RSRC1: variants seen among roughly 807,000 people sequenced by gnomAD.
The protein encoded by RSRC1 is serine/Arginine-related protein 53.
In RSRC1, 39 loss-of-function variants were observed where a neutral mutation model predicts 49.1. The observed-to-expected ratio is 0.79, with a 90% CI of 0.61 to 1.04. The LOEUF is 1.04. Ranked by LOEUF, RSRC1 falls within the 50% of genes least tolerant of loss-of-function variation. RSRC1 has a pLI of 0.00. For synonymous variants in RSRC1, 143 were observed against 130.8 expected, an observed-to-expected ratio of 1.09 and a Z score of -0.63; for missense variants, 388 against 402.4, an observed-to-expected ratio of 0.96 and a Z score of 0.31.
chr3:158,484,730 G>C (rs1212780684), intron 7 of RSRC1, among the ~76,000 whole-genome samples: 1 of 152,026 alleles, frequency 6.6e-6, no homozygotes, highest in Non-Finnish European at 1.5e-5. Context: ...ATATTTCCTA[G>C]AAGTTACTAA....
intron 6 of RSRC1, among the ~76,000 whole-genome samples, chr3:158,420,756 TAAC>T (rs1734998368): frequency 1.3e-5 from 2 of 151,912 alleles, no homozygotes; most frequent in South Asian, 2.1e-4. Context: ...TCATTCAGAA[TAAC>T]AACAAAAATA....
At chr3:158,284,199 A>G (rs1726363265) in intron 4 of RSRC1, among the ~76,000 whole-genome samples, 1 of 151,876 alleles carries the variant, frequency 6.6e-6, no homozygotes, top group Non-Finnish European at 1.5e-5. Context: ...AATTTCATCC[A>G]TGTCCCTACA....
At chr3:158,510,772 GATT>G (rs1578559804) in intron 7 of RSRC1, among the ~76,000 whole-genome samples, 1 of 152,104 alleles carries the variant, frequency 6.6e-6, no homozygotes, top group East Asian at 1.9e-4. Flanking sequence ...TATTGGAATT[GATT>G]ATTAAGTCTT....
intron 4 of RSRC1, among the ~76,000 whole-genome samples, chr3:158,232,174 T>C (rs567013425): frequency 5.3e-5 from 8 of 152,276 alleles, no homozygotes; most frequent in African/African-American, 1.9e-4. Flanking sequence ...TATGTTTTGC[T>C]AAATTCTTAA....
chr3:158,143,649 A>G (rs1197304309), intron 3 of RSRC1, among the ~76,000 whole-genome samples: 1 of 152,212 alleles, frequency 6.6e-6, no homozygotes, highest in African/African-American at 2.4e-5. Context: ...AGTATTCTCC[A>G]AATTTTTTAG....
intron 3 of RSRC1, among the ~76,000 whole-genome samples, chr3:158,178,632 C>T (rs1286564623): frequency 6.6e-6 from 1 of 152,000 alleles, no homozygotes; most frequent in Admixed American, 6.6e-5. Flanking sequence ...TCTGGCTATT[C>T]TTGGATGTTT....
chr3:158,418,248 G>C (rs1734852814), intron 6 of RSRC1, among the ~76,000 whole-genome samples: 1 of 151,852 alleles, frequency 6.6e-6, no homozygotes, highest in Non-Finnish European at 1.5e-5. Context: ...TAAAAGCCAA[G>C]GATATGACCA....
At chr3:158,288,819 C>T (rs1726735332) in intron 4 of RSRC1, among the ~76,000 whole-genome samples, 1 of 130,150 alleles carries the variant, frequency 7.7e-6, no homozygotes, top group Admixed American at 8.2e-5. Flanking sequence ...ATGTTCAATA[C>T]AGATGCACGT....
chr3:158,149,476 G>T (rs1326506344), intron 3 of RSRC1, among the ~76,000 whole-genome samples: 1 of 152,184 alleles, frequency 6.6e-6, no homozygotes, highest in Non-Finnish European at 1.5e-5. Flanking sequence ...GATAGGGGAT[G>T]TGGGAATGGC....
At chr3:158,171,033 ACC>A (rs199698722) in intron 3 of RSRC1, among the ~76,000 whole-genome samples, 2,393 of 152,214 alleles carry the variant, frequency 0.016, 83 homozygotes, top group African/African-American at 0.055. Flanking sequence ...TTTAGGAGTA[ACC>A]CCAGAAAAGA....
At position 158,117,881 on chromosome 3, in the gene RSRC1, T is replaced by TTTTCTTTC. The variant is rs139354874; in HGVS notation, c.-2-4198_-2-4191dup. ...TTCTGTTTGTAAAATGTCTGTCTCTTTTTCTTTCTTTCTTTCTTTCTTTCT... is the reference window on the plus strand; with the variant it reads ...TTCTGTTTGTAAAATGTCTGTCTCTTTTTCTTTCTTTCTTTCTTTCTTTCTTTCTTTCT... On this transcript the variant is annotated intron_variant, in intron 1 of 9. Coordinates refer to ENST00000611884, the MANE Select transcript of RSRC1 (RefSeq NM_001271838.2). Among the ~76,000 whole-genome samples the TTTTCTTTC allele has an allele frequency of 2.1e-4, 32 of 150,472 alleles. 1 individual carries two copies. The highest frequency in any genetic ancestry group is 8.4e-4 in the South Asian group (4 of 4,782).
At chr3:158,444,765 A>G (rs1333431545) in intron 6 of RSRC1, among the ~76,000 whole-genome samples, 3 of 152,198 alleles carry the variant, frequency 2.0e-5, no homozygotes, top group Admixed American at 2.0e-4. Context: ...TCATCTGACA[A>G]AGGGCTAATA....
intron 3 of RSRC1, among the ~76,000 whole-genome samples, chr3:158,202,562 TTATA>T (rs56789942): frequency 2.2e-5 from 2 of 92,022 alleles, no homozygotes; most frequent in African/African-American, 1.1e-4. Flanking sequence ...GTCTGGTAGA[TTATA>T]TATATATATA....
intron 4 of RSRC1, among the ~76,000 whole-genome samples, chr3:158,232,388 CT>C (rs1383024297): frequency 6.6e-6 from 1 of 151,982 alleles, no homozygotes; most frequent in Non-Finnish European, 1.5e-5. Flanking sequence ...TTATCAGTTC[CT>C]TTTCACAAAA....
intron 3 of RSRC1, among the ~76,000 whole-genome samples, chr3:158,136,004 T>C (rs1716349019): frequency 3.3e-5 from 5 of 152,208 alleles, no homozygotes; most frequent in African/African-American, 4.8e-5. Context: ...CAAGGAAACA[T>C]GGATATGCAT....
intron 7 of RSRC1, among the ~76,000 whole-genome samples, chr3:158,482,877 A>T (rs931430460): frequency 3.9e-5 from 6 of 151,910 alleles, no homozygotes; most frequent in African/African-American, 1.2e-4. Flanking sequence ...TAGATGTTGG[A>T]TGTTACATGT....
chr3:158,312,303 A>G (rs1180463208), intron 5 of RSRC1, among the ~76,000 whole-genome samples: 1 of 152,038 alleles, frequency 6.6e-6, no homozygotes, highest in Non-Finnish European at 1.5e-5. Context: ...ATCCTTATAG[A>G]AAGTTATCAG....
chr3:158,129,661 A>T (rs911533031), intron 3 of RSRC1, among the ~76,000 whole-genome samples: 1 of 151,790 alleles, frequency 6.6e-6, no homozygotes, highest in African/African-American at 2.4e-5. Flanking sequence ...TACGAATGTG[A>T]CTCTATTTCT....
intron 7 of RSRC1, among the ~76,000 whole-genome samples, chr3:158,521,600 C>T (rs2108490114): frequency 6.6e-6 from 1 of 152,232 alleles, no homozygotes; most frequent in Non-Finnish European, 1.5e-5. Flanking sequence ...GGAAGACTTG[C>T]CTAAGATTAT....
Sources: allele counts gnomAD v4.1 joint callset (sites outside exome capture counted in the v4.1 genomes callset), GRCh38; gene constraint gnomAD v4.1.1; transcripts MANE v1.5; gene names NCBI Gene and HGNC (gene_info 2026-07-23, HGNC 2026-07-21).